FAM171B: variants seen among roughly 807,000 people sequenced by gnomAD.
FAM171B encodes the protein family with sequence similarity 171 member B.
Under a neutral mutation model 75.6 loss-of-function variants are expected in FAM171B, and 19 were observed. That is an observed-to-expected ratio of 0.25 (90% CI 0.18 to 0.37). The LOEUF is 0.37. Ranked by LOEUF, FAM171B falls within the 10% of genes least tolerant of loss-of-function variation. The pLI is 1.00. For synonymous variants in FAM171B, 367 were observed against 361.7 expected (o/e 1.01, Z -0.17); for missense variants, 848 against 982.4 (o/e 0.86, Z 1.83).
chr2:186,737,503 C>T (rs2682862), intron 1 of FAM171B, among the ~76,000 whole-genome samples: 10,888 of 152,186 alleles, frequency 0.072, 420 homozygotes, highest in Non-Finnish European at 0.092. Context: ...TGTGCCAGTA[C>T]ACCCAGCTAA....
intron 1 of FAM171B, among the ~76,000 whole-genome samples, chr2:186,725,586 C>T (rs1230592533): frequency 6.6e-6 from 1 of 152,134 alleles, no homozygotes; most frequent in Non-Finnish European, 1.5e-5. Flanking sequence ...ACCCCATTTT[C>T]AAAACTCAAT....
chr2:186,695,251 G>C (rs1423452978), intron 1 of FAM171B: 1 of 152,172 alleles, frequency 6.6e-6, no homozygotes, highest in African/African-American at 2.4e-5. Context: ...CAGTTCCGCA[G>C]TTCCTCCCTC....
chr2:186,698,035 C>G (rs1689606675), intron 1 of FAM171B, among the ~76,000 whole-genome samples: 1 of 152,146 alleles, frequency 6.6e-6, no homozygotes, highest in Admixed American at 6.5e-5. Context: ...TACAACAGCT[C>G]TTATTTCTCC....
intron 6 of FAM171B, among the ~76,000 whole-genome samples, chr2:186,760,855 T>G (rs1210743657): frequency 6.6e-6 from 1 of 152,066 alleles, no homozygotes; most frequent in South Asian, 2.1e-4. Context: ...ATTCACATAT[T>G]AGAAGTCTTG....
chr2:186,761,720 T>G lies in FAM171B; in HGVS notation c.1378T>G (p.Phe460Val). The G allele has an allele frequency of 1.2e-6, 2 of 1,613,130 alleles. No individual in the cohort carries two copies. The highest frequency in any genetic ancestry group is 1.7e-6 in the Non-Finnish European group (2 of 1,179,620). The change falls in exon 8 of 8, where the codon TTT becomes GTT. Residue 460 changes from phenylalanine to valine, a missense_variant. Coordinates refer to ENST00000304698, the MANE Select transcript of FAM171B (RefSeq NM_177454.4). ...TTCCATGGTAAAAACTCGGGACGAT[T>G]TTAAAATCTACAATGAAGATGTTTC... ...RVSMVKTRDD[F>V]KIYNEDVSFL... is the part of the protein sequence containing the mutation.
chr2:186,743,973 G>A (rs1006414302), intron 3 of FAM171B, among the ~76,000 whole-genome samples: 1 of 152,034 alleles, frequency 6.6e-6, no homozygotes, highest in African/African-American at 2.4e-5. Flanking sequence ...TCGCTTTTTG[G>A]GAGATGCCTA....
At chr2:186,714,796 A>G (rs1360083518) in intron 1 of FAM171B, among the ~76,000 whole-genome samples, 1 of 152,190 alleles carries the variant, frequency 6.6e-6, no homozygotes, top group Non-Finnish European at 1.5e-5. Flanking sequence ...AGTTAGGCCA[A>G]TGGATAAATG....
At chr2:186,714,121 A>T (rs200452622) in intron 1 of FAM171B, among the ~76,000 whole-genome samples, 2 of 148,920 alleles carry the variant, frequency 1.3e-5, no homozygotes, top group South Asian at 2.1e-4. Context: ...AGCAGATGAA[A>T]TTTTTTTTTT....
chr2:186,701,688 C>T (rs867673309), intron 1 of FAM171B, among the ~76,000 whole-genome samples: 5 of 152,134 alleles, frequency 3.3e-5, no homozygotes, highest in African/African-American at 9.7e-5. Context: ...ATTTTAATAA[C>T]CAAAAGGAGT....
chr2:186,765,314 A>G lies in FAM171B; in HGVS notation c.*2491A>G, dbSNP rs1214709360. 2 of 152,036 alleles carry G rather than the reference A, an allele frequency of 1.3e-5. No individual in the cohort carries two copies. Among genetic ancestry groups the G allele is most frequent in the Non-Finnish European group, 1.5e-5 (1 of 67,946 alleles). The allele number at this position is 152,036 out of a possible 1,614,324, so 9.4% of individuals were successfully genotyped here. On this transcript the variant is annotated 3_prime_UTR_variant, in exon 8 of 8. Coordinates refer to ENST00000304698, the MANE Select transcript of FAM171B (RefSeq NM_177454.4). Reference sequence around the variant, plus strand: ...TAACATTTGTCGATCCTTTGTATATACTTTGGATATATATTAAAGGCAAAA... The same window carrying G: ...TAACATTTGTCGATCCTTTGTATATGCTTTGGATATATATTAAAGGCAAAA...
intron 1 of FAM171B, among the ~76,000 whole-genome samples, chr2:186,714,511 A>G (rs775802785): frequency 6.6e-6 from 1 of 152,218 alleles, no homozygotes; most frequent in Non-Finnish European, 1.5e-5. Context: ...AAGGCCAAAC[A>G]GGATCCATCA....
chr2:186,705,872 A>G (rs951323979), intron 1 of FAM171B, among the ~76,000 whole-genome samples: 2 of 152,220 alleles, frequency 1.3e-5, no homozygotes, highest in Admixed American at 1.3e-4. Context: ...CCAATATGTA[A>G]TAAATATCTT....
intron 4 of FAM171B, among the ~76,000 whole-genome samples, chr2:186,747,807 A>G (rs1184197248): frequency 6.6e-6 from 1 of 152,220 alleles, no homozygotes; most frequent in Non-Finnish European, 1.5e-5. Context: ...TATAATTTCT[A>G]TAAGGCTGTC....
At chr2:186,713,718 ACT>A (rs2105775906) in intron 1 of FAM171B, among the ~76,000 whole-genome samples, 1 of 152,326 alleles carries the variant, frequency 6.6e-6, no homozygotes, top group East Asian at 1.9e-4. Flanking sequence ...CAATAAAATT[ACT>A]GTTTTTCTTT....
Position 186,765,591 on chromosome 2 carries a change from A to G in FAM171B, c.*2768A>G, listed in dbSNP as rs886994169. 1 of 152,038 alleles carries G rather than the reference A, an allele frequency of 6.6e-6. No individual in the cohort carries two copies. Among genetic ancestry groups the G allele is most frequent in the Non-Finnish European group, 1.5e-5 (1 of 67,944 alleles). The allele number at this position is 152,038 out of a possible 1,614,324, so 9.4% of individuals were successfully genotyped here. On this transcript the variant is annotated 3_prime_UTR_variant, in exon 8 of 8. Coordinates refer to ENST00000304698, the MANE Select transcript of FAM171B (RefSeq NM_177454.4). ...CATTTTCAGACCACTATGTGTTTGA[A>G]TCCTCTGGTATCAATACGTATTATA...
At chr2:186,704,438 A>G (rs925323724) in intron 1 of FAM171B, among the ~76,000 whole-genome samples, 2 of 152,186 alleles carry the variant, frequency 1.3e-5, no homozygotes, top group Non-Finnish European at 2.9e-5. Flanking sequence ...GAAGGAGGTA[A>G]AAATGACCTT....
Position 186,754,095 on chromosome 2 carries a change from C to T in FAM171B, c.1012+46C>T, listed in dbSNP as rs986459102. On this transcript the variant is annotated intron_variant, in intron 6 of 7. Coordinates refer to ENST00000304698, the MANE Select transcript of FAM171B (RefSeq NM_177454.4). ...AATTAAAACATGTAATTCAAATAGT[C>T]TTGCTGGAACGGATAGCAGCAGACC... 8.6e-6 allele frequency: 12 copies of T among 1,402,006 alleles called. No individual in the cohort carries two copies. In the African/African-American group the frequency reaches 1.6e-4, roughly 19 times the overall value. 86.8% of individuals were successfully genotyped at this position (1,402,006 alleles called of 1,614,324 possible). A position where few individuals can be genotyped will look rare whatever the true frequency, so the allele number is the denominator to read the frequency against.
chr2:186,698,284 A>T (rs1004829981), intron 1 of FAM171B, among the ~76,000 whole-genome samples: 5 of 152,218 alleles, frequency 3.3e-5, no homozygotes, highest in African/African-American at 1.2e-4. Flanking sequence ...CAGTACAGAG[A>T]AAGCTTCTTG....
At chr2:186,734,182 G>A (rs1019333665) in intron 1 of FAM171B, among the ~76,000 whole-genome samples, 1 of 152,168 alleles carries the variant, frequency 6.6e-6, no homozygotes, top group African/African-American at 2.4e-5. Context: ...CCCGAAGTGG[G>A]TAGCTCCTTC....
Sources: allele counts gnomAD v4.1 joint callset (sites outside exome capture counted in the v4.1 genomes callset), GRCh38; gene constraint gnomAD v4.1.1; transcripts MANE v1.5; gene names NCBI Gene and HGNC (gene_info 2026-07-23, HGNC 2026-07-21).